SNCAIP: variants seen among roughly 807,000 people sequenced by gnomAD.
SNCAIP encodes synphilin-1.
A neutral mutation model predicts 86.7 loss-of-function variants in SNCAIP; 43 were observed. That is an observed-to-expected ratio of 0.50 (90% CI 0.39 to 0.64). The LOEUF (loss-of-function observed/expected upper bound fraction) is 0.64. Ranked by LOEUF, SNCAIP falls within the 30% of genes least tolerant of loss-of-function variation. SNCAIP has a pLI of 0.00. For missense variants in SNCAIP, 981 were observed against 1,103.1 expected (o/e 0.89, Z 1.57); for synonymous variants, 417 against 427.2 (o/e 0.98, Z 0.29).
chr5:122,349,717 A>G (rs976050909), intron 1 of SNCAIP, among the ~76,000 whole-genome samples: 10 of 152,304 alleles, frequency 6.6e-5, no homozygotes, highest in African/African-American at 2.4e-4. Context: ...AGCAAAGTCA[A>G]AAGACCTCAT....
At chr5:122,385,717 G>C (rs1448390084) in intron 1 of SNCAIP, among the ~76,000 whole-genome samples, 2 of 151,748 alleles carry the variant, frequency 1.3e-5, no homozygotes, top group East Asian at 3.9e-4. Context: ...GTGTGTAGGG[G>C]TGCAGGGAGC....
At chr5:122,455,358 A>G (rs1045181081) in intron 10 of SNCAIP, among the ~76,000 whole-genome samples, 2 of 152,220 alleles carry the variant, frequency 1.3e-5, no homozygotes, top group Admixed American at 6.5e-5. Flanking sequence ...GGCCTGAAAA[A>G]TACCTAGGCT....
chr5:122,325,936 G>A (rs1247020382), intron 1 of SNCAIP, among the ~76,000 whole-genome samples: 3 of 152,146 alleles, frequency 2.0e-5, no homozygotes, highest in Non-Finnish European at 2.9e-5. Flanking sequence ...TTCTGTGCAC[G>A]TCGTACACAG....
intron 2 of SNCAIP, among the ~76,000 whole-genome samples, chr5:122,395,035 T>G (rs939233032): frequency 2.6e-5 from 4 of 152,202 alleles, no homozygotes; most frequent in African/African-American, 9.6e-5. Flanking sequence ...AGTAGTAGTT[T>G]CTCTAGACCA....
At chr5:122,455,699 G>T (rs1384614461) in intron 10 of SNCAIP, among the ~76,000 whole-genome samples, 1 of 152,132 alleles carries the variant, frequency 6.6e-6, no homozygotes, top group Non-Finnish European at 1.5e-5. Flanking sequence ...GAAAAATAGG[G>T]ACAATAAATA....
At chr5:122,344,412 A>G (rs970275759) in intron 1 of SNCAIP, among the ~76,000 whole-genome samples, 4 of 152,210 alleles carry the variant, frequency 2.6e-5, no homozygotes, top group African/African-American at 9.6e-5. Context: ...TAATTAATTA[A>G]TCAATCCATA....
At chr5:122,340,561 T>C (rs955436491) in intron 1 of SNCAIP, among the ~76,000 whole-genome samples, 17 of 152,168 alleles carry the variant, frequency 1.1e-4, no homozygotes, top group Non-Finnish European at 2.2e-4. Context: ...TAAAAAACCA[T>C]TGAGTAGTGT....
intron 1 of SNCAIP, among the ~76,000 whole-genome samples, chr5:122,372,895 C>A (rs185540976): frequency 1.6e-3 from 242 of 152,184 alleles, no homozygotes; most frequent in South Asian, 7.2e-3. Context: ...TTTCTAACAT[C>A]CCTACAAGAT....
chr5:122,444,643 GC>G lies in SNCAIP; in HGVS notation c.1504del (p.His502ThrfsTer22). On this transcript the variant is annotated frameshift_variant, in exon 8 of 11. Transcript: ENST00000261368. LOFTEE classifies it high-confidence loss of function. ...KPSQSAERQGHTLCSRYLVVV... is the reference protein window; with the variant it reads ...KPSQSAERQGXTLCSRYLVVV... Reference sequence around the variant, plus strand: ...CCTCCCAGAGCGCCGAGCGGCAGGGGCACACCCTGTGCTCCAGGTACCTGGT... The same window carrying G: ...CCTCCCAGAGCGCCGAGCGGCAGGGGACACCCTGTGCTCCAGGTACCTGGT... The G allele has an allele frequency of 6.2e-7, 1 of 1,614,012 alleles. No individual in the cohort carries two copies. Among genetic ancestry groups the G allele is most frequent in the Non-Finnish European group, 8.5e-7 (1 of 1,179,872 alleles).
chr5:122,438,399 G>C (rs1780019313), intron 6 of SNCAIP, among the ~76,000 whole-genome samples: 1 of 152,180 alleles, frequency 6.6e-6, no homozygotes, highest in South Asian at 2.1e-4. Flanking sequence ...TGTTAAGGTG[G>C]TGTCCTGTCC....
intron 10 of SNCAIP, among the ~76,000 whole-genome samples, chr5:122,454,122 C>T (rs1784252358): frequency 1.3e-5 from 2 of 152,214 alleles, no homozygotes; most frequent in Admixed American, 1.3e-4. Context: ...CCATTCAGCA[C>T]TCTTCCAAAA....
chr5:122,405,959 A>G (rs1360405798), intron 3 of SNCAIP, among the ~76,000 whole-genome samples: 1 of 152,150 alleles, frequency 6.6e-6, no homozygotes, highest in Non-Finnish European at 1.5e-5. Flanking sequence ...GCTCAAGGTA[A>G]TCAGTAATCA....
Position 122,423,020 on chromosome 5 carries a change from G to A in SNCAIP, c.283G>A (p.Asp95Asn), listed in dbSNP as rs756737525. The stretch of plus-strand genomic sequence containing the variant: ...AGAGACTCTGGAGAACAATGAAAGT[G>A]ATGACCAAAAGAACCAGAAAGTGGT... ...QPETLENNES[D>N]DQKNQKVVEY... Residue 95 changes from aspartate to asparagine, a missense_variant, in exon 4 of 11, where the codon GAT becomes AAT. By Grantham distance (23) the Asp-to-Asn change is conservative. Coordinates refer to ENST00000261368, the MANE Select transcript of SNCAIP (RefSeq NM_005460.4). 1 of 1,614,130 alleles carries A rather than the reference G, an allele frequency of 6.2e-7. No homozygotes were observed.
chr5:122,456,778 G>A (rs1452980695), intron 10 of SNCAIP, among the ~76,000 whole-genome samples: 1 of 152,136 alleles, frequency 6.6e-6, no homozygotes, highest in Non-Finnish European at 1.5e-5. Flanking sequence ...ATTCTTGAAA[G>A]GATAATGATA....
At chr5:122,347,342 C>T (rs1008391724) in intron 1 of SNCAIP, among the ~76,000 whole-genome samples, 1 of 151,416 alleles carries the variant, frequency 6.6e-6, no homozygotes, top group Non-Finnish European at 1.5e-5. Flanking sequence ...ATCTGTTTAC[C>T]AGCTCTTCTT....
At chr5:122,441,391 C>G (rs3811886) in intron 7 of SNCAIP, 40,172 of 153,160 alleles carry the variant, frequency 0.26, 5,380 homozygotes, top group South Asian at 0.32. Context: ...GTAGCCTTAT[C>G]TTTTTACCCT....
At chr5:122,431,177 A>G (rs145277577) in intron 5 of SNCAIP, among the ~76,000 whole-genome samples, 30 of 152,256 alleles carry the variant, frequency 2.0e-4, no homozygotes, top group African/African-American at 7.0e-4. Context: ...AAAGTGGGCA[A>G]TCACTTTGGA....
At chr5:122,424,879 G>A (rs1404961104) in intron 4 of SNCAIP, among the ~76,000 whole-genome samples, 1 of 152,208 alleles carries the variant, frequency 6.6e-6, no homozygotes, top group Non-Finnish European at 1.5e-5. Context: ...GTACCTATGA[G>A]AGCACTAGTA....
chr5:122,368,631 G>T lies in SNCAIP; in HGVS notation c.-46-22458G>T, dbSNP rs539040728. Among the ~76,000 whole-genome samples the T allele has an allele frequency of 8.5e-4, 129 of 152,282 alleles. 2 individuals are homozygous for T. In the South Asian group the frequency reaches 0.026, roughly 31 times the overall value. ...GGAGATAACTTATTTGAAGGATCCAGCTTAGCACCAGGCTTAATAAATCTT... is the reference window on the plus strand; with the variant it reads ...GGAGATAACTTATTTGAAGGATCCATCTTAGCACCAGGCTTAATAAATCTT... On this transcript the variant is annotated intron_variant, in intron 1 of 10. Coordinates refer to ENST00000261368, the MANE Select transcript of SNCAIP (RefSeq NM_005460.4).
Sources: gnomAD v4.1 joint callset for allele counts (sites outside exome capture counted in the v4.1 genomes callset) on GRCh38, gnomAD v4.1.1 for gene constraint, MANE v1.5 for transcripts, NCBI Gene and HGNC (gene_info 2026-07-23, HGNC 2026-07-21) for gene names.